The following AGBL1 variants were observed in gnomAD, a reference collection of about 807,000 sequenced individuals.
The protein encoded by AGBL1 is cytosolic carboxypeptidase 4.
In AGBL1, 130 loss-of-function variants were observed where a neutral mutation model predicts 118.9. The ratio of observed to expected loss-of-function variants is 1.09; its 90% CI spans 0.95 to 1.26. AGBL1 has a LOEUF of 1.26. AGBL1 is among the 50% of genes most tolerant of loss of function. The probability of loss-of-function intolerance (pLI) is 0.00; values close to 1 mark genes in which losing one functional copy is unlikely to be tolerated. For missense variants in AGBL1, 1,584 were observed against 1,298.1 expected, an observed-to-expected ratio of 1.22 and a Z score of -3.38; for synonymous variants, 555 against 478.9, an observed-to-expected ratio of 1.16 and a Z score of -2.08.
chr15:86,848,463 T>C (rs1048355128), intron 22 of AGBL1, among the ~76,000 whole-genome samples: 5 of 152,218 alleles, frequency 3.3e-5, no homozygotes, highest in Non-Finnish European at 5.9e-5. Context: ...CATGAAATTC[T>C]CTGCTCATTT....
chr15:86,734,494 G>T (rs180688847), intron 22 of AGBL1, among the ~76,000 whole-genome samples: 28 of 152,206 alleles, frequency 1.8e-4, no homozygotes, highest in Admixed American at 3.9e-4. Flanking sequence ...AGTAAGGAGA[G>T]GTGTGGGCTG....
chr15:86,924,028 G>T (rs1026534257), intron 23 of AGBL1, among the ~76,000 whole-genome samples: 1 of 152,104 alleles, frequency 6.6e-6, no homozygotes, highest in Non-Finnish European at 1.5e-5. Flanking sequence ...CCATAAATAC[G>T]TGTCAATTAT....
chr15:86,764,625 T>G (rs1447653520), intron 22 of AGBL1, among the ~76,000 whole-genome samples: 1 of 152,084 alleles, frequency 6.6e-6, no homozygotes, highest in South Asian at 2.1e-4. Flanking sequence ...TTGTTTATGA[T>G]CTACAAGAAT....
intron 19 of AGBL1, among the ~76,000 whole-genome samples, chr15:86,530,247 T>A: frequency 1.6e-5 from 2 of 125,368 alleles, no homozygotes; most frequent in African/African-American, 4.0e-5. Flanking sequence ...AGGCTGAAAA[T>A]AAAAGGATGG....
intron 21 of AGBL1, among the ~76,000 whole-genome samples, chr15:86,575,634 G>A (rs2084080148): frequency 6.6e-6 from 1 of 151,910 alleles, no homozygotes; most frequent in African/African-American, 2.4e-5. Flanking sequence ...TGTCACCCAG[G>A]CTGGAGTGTA....
At chr15:86,119,659 G>T (rs960783687) in intron 1 of AGBL1, among the ~76,000 whole-genome samples, 1 of 69,500 alleles carries the variant, frequency 1.4e-5, no homozygotes, top group Non-Finnish European at 3.1e-5. Flanking sequence ...AGTAGTTTGT[G>T]TGTGTGTGTG....
chr15:86,095,306 C>T (rs1896288834), intron 1 of AGBL1, among the ~76,000 whole-genome samples: 1 of 152,154 alleles, frequency 6.6e-6, no homozygotes, highest in Admixed American at 6.5e-5. Flanking sequence ...CTTTGATCTC[C>T]AGTCCCTCTC....
chr15:86,791,814 A>G (rs1043868284), intron 22 of AGBL1, among the ~76,000 whole-genome samples: 6 of 151,368 alleles, frequency 4.0e-5, no homozygotes, highest in Admixed American at 1.3e-4. Context: ...TTGGCTCACC[A>G]CAACCCCCGC....
chr15:86,663,003 C>A (rs1479958567), intron 21 of AGBL1, among the ~76,000 whole-genome samples: 1 of 152,214 alleles, frequency 6.6e-6, no homozygotes, highest in Non-Finnish European at 1.5e-5. Context: ...CTTGAATGAG[C>A]TGCTGTGGGG....
intron 18 of AGBL1, among the ~76,000 whole-genome samples, chr15:86,417,690 A>G (rs1433327227): frequency 6.6e-6 from 1 of 152,218 alleles, no homozygotes; most frequent in African/African-American, 2.4e-5. Context: ...AGGAAGGGTT[A>G]GCCAGCGGCA....
At position 86,247,899 on chromosome 15, in the gene AGBL1, A is replaced by G; in HGVS notation, c.735+20A>G. Reference sequence around the variant, plus strand: ...ACACAGGCAGGCAGCATGGGGATTCACTCTGCAGCTGGAGGCCAGCTGGGT... The same window carrying G: ...ACACAGGCAGGCAGCATGGGGATTCGCTCTGCAGCTGGAGGCCAGCTGGGT... On this transcript the variant is annotated intron_variant, in intron 7 of 22. Coordinates refer to ENST00000614907, the MANE Select transcript of AGBL1 (RefSeq NM_001386094.1). The G allele has an allele frequency of 5.0e-6, 8 of 1,612,878 alleles. No individual in the cohort carries two copies. The highest frequency in any genetic ancestry group is 1.1e-5 in the South Asian group (1 of 91,068).
intron 5 of AGBL1, among the ~76,000 whole-genome samples, chr15:86,189,135 G>A (rs74348549): frequency 0.013 from 1,944 of 152,298 alleles, 26 homozygotes; most frequent in East Asian, 0.073. Context: ...TTTATTTAGA[G>A]TGCAATGTTA....
intron 5 of AGBL1, among the ~76,000 whole-genome samples, chr15:86,181,469 A>G (rs2077552002): frequency 6.6e-6 from 1 of 152,058 alleles, no homozygotes; most frequent in South Asian, 2.1e-4. Flanking sequence ...AAAATAAACT[A>G]TGGTGAGAAA....
At chr15:86,707,056 C>T (rs969507896) in intron 22 of AGBL1, among the ~76,000 whole-genome samples, 3 of 152,274 alleles carry the variant, frequency 2.0e-5, no homozygotes, top group African/African-American at 7.2e-5. Flanking sequence ...ACTCAACATT[C>T]TGTCCCTGAG....
At chr15:86,755,630 G>A (rs913375497) in intron 22 of AGBL1, among the ~76,000 whole-genome samples, 8 of 152,088 alleles carry the variant, frequency 5.3e-5, no homozygotes, top group South Asian at 2.1e-4. Flanking sequence ...CTCACTTGCC[G>A]CTCTATCTTA....
intron 19 of AGBL1, among the ~76,000 whole-genome samples, chr15:86,533,986 T>C (rs1450360959): frequency 1.1e-5 from 1 of 93,872 alleles, no homozygotes; most frequent in Non-Finnish European, 2.1e-5. Flanking sequence ...GGGGGAGGGG[T>C]AGCATTGGGA....
At chr15:86,770,038 C>G (rs1435759098) in intron 22 of AGBL1, among the ~76,000 whole-genome samples, 3 of 151,990 alleles carry the variant, frequency 2.0e-5, no homozygotes, top group Admixed American at 6.6e-5. Context: ...GACTCCTTAC[C>G]TCTGCAATAG....
At position 86,704,618 on chromosome 15, in the gene AGBL1, A is replaced by G. The variant is rs917500429; in HGVS notation, c.3158+30182A>G. ...ATGCCAGTTAGAATGGTGATTATTA[A>G]AAAGTCAGGAAACAACAGATGCTGG... On this transcript the variant is annotated intron_variant, in intron 22 of 22. Coordinates refer to ENST00000614907, the MANE Select transcript of AGBL1 (RefSeq NM_001386094.1). Among the ~76,000 whole-genome samples, 4 of 152,190 alleles carry G rather than the reference A, an allele frequency of 2.6e-5. No homozygotes were observed. In the East Asian group the frequency reaches 7.7e-4, roughly 29 times the overall value.
intron 22 of AGBL1, among the ~76,000 whole-genome samples, chr15:86,732,528 G>A (rs146890394): frequency 1.2e-3 from 179 of 152,230 alleles, no homozygotes; most frequent in African/African-American, 4.2e-3. Context: ...GTTCCTTGTA[G>A]TTAAGAACCA....
Sources: gnomAD v4.1 joint callset for allele counts (sites outside exome capture counted in the v4.1 genomes callset) on GRCh38, gnomAD v4.1.1 for gene constraint, MANE v1.5 for transcripts, NCBI Gene and HGNC (gene_info 2026-07-23, HGNC 2026-07-21) for gene names.